RIN3: variants seen among roughly 807,000 people sequenced by gnomAD.
The protein encoded by RIN3 is Ras and Rab interactor 3, also known as RAB5 interacting protein 3.
RIN3 carries 54 observed loss-of-function variants against 76.3 expected under a neutral mutation model. That is an observed-to-expected ratio of 0.71 (90% confidence interval 0.57 to 0.89). RIN3 has a LOEUF of 0.89. RIN3 is among the 40% of genes least tolerant of loss of function. The pLI is 0.00. For synonymous variants in RIN3, 576 were observed against 564.0 expected, an observed-to-expected ratio of 1.02 and a Z score of -0.30; for missense variants, 1,256 against 1,322.1, an observed-to-expected ratio of 0.95 and a Z score of 0.78.
intron 7 of RIN3, among the ~76,000 whole-genome samples, chr14:92,673,450 A>G (rs1283705769): frequency 6.6e-6 from 1 of 152,190 alleles, no homozygotes; most frequent in Admixed American, 6.5e-5. Context: ...ATTTTAATGC[A>G]GTATTTTTTA....
Position 92,683,028 on chromosome 14 carries a change from G to A in RIN3, c.2468-1959G>A, listed in dbSNP as rs149235520. Among the ~76,000 whole-genome samples the A allele has an allele frequency of 4.8e-3, 732 of 152,226 alleles. 6 individuals are homozygous for A. Among genetic ancestry groups the A allele is most frequent in the African/African-American group, 0.016 (684 of 41,530 alleles). On this transcript the variant is annotated intron_variant, in intron 8 of 9. Coordinates refer to ENST00000216487, the MANE Select transcript of RIN3 (RefSeq NM_024832.5). ...TAAAAATACAAAAAGTTAGCCAGGC[G>A]TGGTGGTGCGTGCCTATAATCCCAG...
intron 2 of RIN3, 145 bp from the exon 3 acceptor site, chr14:92,577,215 C>G (rs1324714154): frequency 3.3e-6 from 2 of 599,930 alleles, no homozygotes; most frequent in Non-Finnish European, 6.1e-6. Flanking sequence ...GGGCAGAACC[C>G]CCAGTGTCCC....
intron 2 of RIN3, among the ~76,000 whole-genome samples, chr14:92,564,392 G>A (rs576616428): frequency 1.3e-5 from 2 of 152,286 alleles, no homozygotes; most frequent in Admixed American, 6.5e-5. Context: ...CCTGGATTGC[G>A]TTAATTTACC....
In RIN3 at chr14:92,545,106, G is replaced by GTTT. The variant is rs540126016; in HGVS notation, c.45-10626_45-10624dup. Among the ~76,000 whole-genome samples the GTTT allele has an allele frequency of 5.9e-3, 485 of 82,188 alleles. 14 individuals carry two copies. Among genetic ancestry groups the GTTT allele is most frequent in the East Asian group, 0.014 (41 of 2,828 alleles). 53.9% of individuals were successfully genotyped at this position (82,188 alleles called of 152,430 possible). ...AAACGTTTTCTTTTAACTTTCTGGT[G>GTTT]TTTTTTTTTTTTTTTTTTTTTGAGA... On this transcript the variant is annotated intron_variant, in intron 1 of 9. Transcript: ENST00000216487.
intron 4 of RIN3, among the ~76,000 whole-genome samples, chr14:92,617,027 G>A (rs10146142): frequency 9.2e-5 from 14 of 151,994 alleles, no homozygotes; most frequent in Admixed American, 2.0e-4. Flanking sequence ...GGCCAGGCAC[G>A]GTGGCCCACA....
In RIN3 at chr14:92,540,425, G is replaced by T. The variant is rs142397149; in HGVS notation, c.45-15326G>T. Reference sequence around the variant, plus strand: ...TCACAAGATTTTCCAGACACTTCTTGGAGCCACAAGCATCTGTGAGAAACT... The same window carrying T: ...TCACAAGATTTTCCAGACACTTCTTTGAGCCACAAGCATCTGTGAGAAACT... On this transcript the variant is annotated intron_variant, in intron 1 of 9. Coordinates refer to ENST00000216487, the MANE Select transcript of RIN3 (RefSeq NM_024832.5). 6.6e-3 allele frequency among the ~76,000 whole-genome samples: 1,010 copies of T among 152,300 alleles called. 10 individuals carry two copies. Among genetic ancestry groups the T allele is most frequent in the African/African-American group, 0.023 (935 of 41,552 alleles).
At chr14:92,662,150 C>G (rs1566893708) in intron 7 of RIN3, among the ~76,000 whole-genome samples, 1 of 152,208 alleles carries the variant, frequency 6.6e-6, no homozygotes, top group Non-Finnish European at 1.5e-5. Context: ...GTTAAGACCC[C>G]CTCATGGCCT....
intron 5 of RIN3, 47 bp downstream of exon 5, chr14:92,641,376 C>A: frequency 6.8e-7 from 1 of 1,469,960 alleles, no homozygotes; most frequent in Non-Finnish European, 9.5e-7. Flanking sequence ...GCGTTAGGAA[C>A]TGGGGCCCTA....
chr14:92,545,624 A>G (rs1273190885), intron 1 of RIN3, among the ~76,000 whole-genome samples: 2 of 129,272 alleles, frequency 1.5e-5, no homozygotes, highest in Non-Finnish European at 1.6e-5. Context: ...TCTGTCACTG[A>G]GGCTGGAGTG....
intron 5 of RIN3, among the ~76,000 whole-genome samples, chr14:92,641,618 G>C (rs1887019601): frequency 6.6e-6 from 1 of 152,204 alleles, no homozygotes; most frequent in Admixed American, 6.5e-5. Flanking sequence ...GAGAAGCCGA[G>C]CTTTACCCCA....
chr14:92,524,425 G>C (rs1212305029), intron 1 of RIN3, among the ~76,000 whole-genome samples: 2 of 152,148 alleles, frequency 1.3e-5, no homozygotes, highest in African/African-American at 4.8e-5. Flanking sequence ...CTTGGGAAAG[G>C]TTTGTCCTGA....
rs1028942322 is a variant in RIN3, at chr14:92,648,804, G to T, written c.533-2778G>T. 2.0e-5 allele frequency among the ~76,000 whole-genome samples: 3 copies of T among 152,240 alleles called. No individual in the cohort carries two copies. The highest frequency in any genetic ancestry group is 2.9e-5 in the Non-Finnish European group (2 of 68,044). On this transcript the variant is annotated intron_variant, in intron 5 of 9. Coordinates refer to ENST00000216487, the MANE Select transcript of RIN3 (RefSeq NM_024832.5). This position sits in a 1 kb window ranked among gnomAD's most constrained non-coding sequence, Gnocchi z 4.1. ...GGCATATCAGAGCTGCAGGAACACAGGCGGGGTGGGCAAGGCCTGAGCACA... is the reference window on the plus strand; with the variant it reads ...GGCATATCAGAGCTGCAGGAACACATGCGGGGTGGGCAAGGCCTGAGCACA...
intron 7 of RIN3, among the ~76,000 whole-genome samples, chr14:92,665,030 A>T (rs1323210071): frequency 6.6e-6 from 1 of 152,242 alleles, no homozygotes; most frequent in Non-Finnish European, 1.5e-5. Flanking sequence ...TGATGGAAAT[A>T]GAATCTGAGG....
chr14:92,625,185 T>G (rs1196022739), intron 4 of RIN3, among the ~76,000 whole-genome samples: 1 of 152,206 alleles, frequency 6.6e-6, no homozygotes, highest in Admixed American at 6.5e-5. Flanking sequence ...CATAAGGGGA[T>G]AGGCCAACAT....
intron 3 of RIN3, among the ~76,000 whole-genome samples, chr14:92,592,893 C>T (rs528762047): frequency 2.4e-4 from 37 of 151,944 alleles, no homozygotes; most frequent in Non-Finnish European, 3.8e-4. Flanking sequence ...AGGCTGGTCT[C>T]GAACTCCTGA....
chr14:92,523,034 A>G (rs1177193790), intron 1 of RIN3, among the ~76,000 whole-genome samples: 3 of 152,248 alleles, frequency 2.0e-5, no homozygotes, highest in Non-Finnish European at 4.4e-5. Context: ...GGTCCCAAAC[A>G]TGTCAGACCA....
chr14:92,677,166 A>G (rs1051537099), intron 8 of RIN3, among the ~76,000 whole-genome samples: 8 of 152,128 alleles, frequency 5.3e-5, no homozygotes, highest in Non-Finnish European at 1.0e-4. Flanking sequence ...AGTTAATGAT[A>G]TGAGTAAGAA....
rs61124300 is a variant in RIN3, at chr14:92,518,789, C to CTGTGTGTGTGTGTGTGTGTGTGTG, written c.44+4827_44+4850dup. 1.4e-3 allele frequency among the ~76,000 whole-genome samples: 184 copies of CTGTGTGTGTGTGTGTGTGTGTGTG among 128,408 alleles called. 1 individual carries two copies. The highest frequency in any genetic ancestry group is 2.8e-3 in the East Asian group (12 of 4,294). 84.2% of individuals were successfully genotyped at this position (128,408 alleles called of 152,430 possible). A position where few individuals can be genotyped will look rare whatever the true frequency, so the allele number is the denominator to read the frequency against. ...GAGAAACTGGGAAAATAAGGGTGGC[C>CTGTGTGTGTGTGTGTGTGTGTGTG]TGTGTGTGTGTGTGTGTGTGTGTGT... On this transcript the variant is annotated intron_variant, in intron 1 of 9. Coordinates refer to ENST00000216487, the MANE Select transcript of RIN3 (RefSeq NM_024832.5).
intron 1 of RIN3, among the ~76,000 whole-genome samples, chr14:92,547,096 TAATTA>T (rs1188149434): frequency 1.1e-5 from 1 of 94,848 alleles, no homozygotes; most frequent in Admixed American, 1.1e-4. Context: ...TATTATATTA[TAATTA>T]AATAAATTAT....
Sources: allele counts gnomAD v4.1 joint callset (sites outside exome capture counted in the v4.1 genomes callset), GRCh38; gene constraint gnomAD v4.1.1; non-coding constraint Gnocchi (gnomAD v3.1); transcripts MANE v1.5; gene names NCBI Gene and HGNC (gene_info 2026-07-23, HGNC 2026-07-21).